The following DELE1 variants were observed in gnomAD, a reference collection of about 807,000 sequenced individuals.
DELE1 encodes the protein death ligand signal enhancer.
Under a neutral mutation model 59.3 loss-of-function variants are expected in DELE1, and 54 were observed. The observed-to-expected ratio is 0.91, with a 90% CI of 0.73 to 1.14. The LOEUF is 1.14. Ranked by LOEUF, DELE1 falls within the 50% of genes most tolerant of loss-of-function variation. The pLI, the probability that DELE1 is intolerant of heterozygous loss-of-function variation, is 0.00. For synonymous variants in DELE1, 264 were observed against 259.1 expected (o/e 1.02, Z -0.18); for missense variants, 636 against 643.9 (o/e 0.99, Z 0.13).
chr5:141,925,436 G>GC lies in DELE1; in HGVS notation c.174dup (p.Gly59ArgfsTer131). 7 of 1,597,882 alleles carry GC rather than the reference G, an allele frequency of 4.4e-6. No individual in the cohort carries two copies. Among genetic ancestry groups the GC allele is most frequent in the Non-Finnish European group, 6.0e-6 (7 of 1,172,542 alleles). On this transcript the variant is annotated frameshift_variant, in exon 3 of 12. Transcript: ENST00000432126. LOFTEE classifies it high-confidence loss of function. ...TCAGGTCCCCATGGCCCAGGCACGA[G>GC]CGGGGGTCCAAGGTCCCATGGATGG...
intron 10 of DELE1, chr5:141,936,748 A>T: frequency 2.1e-6 from 1 of 471,214 alleles, no homozygotes; most frequent in Non-Finnish European, 2.8e-6. Flanking sequence ...ATAGCTTTTT[A>T]AAGGAGAAGA....
chr5:141,928,613 A>T (rs1025118614), intron 4 of DELE1, among the ~76,000 whole-genome samples: 1 of 152,242 alleles, frequency 6.6e-6, no homozygotes, highest in African/African-American at 2.4e-5. Context: ...TCACTCAGTC[A>T]TTCATAAATA....
chr5:141,925,232 T>C (rs1433273715), intron 2 of DELE1, among the ~76,000 whole-genome samples, 178 bp from the exon 3 acceptor site: 1 of 151,944 alleles, frequency 6.6e-6, no homozygotes, highest in Non-Finnish European at 1.5e-5. Flanking sequence ...CCAGCCAATT[T>C]TTATATTTTT....
intron 10 of DELE1, chr5:141,935,091 A>G (rs1166134166): frequency 1.3e-5 from 2 of 155,040 alleles, no homozygotes; most frequent in Non-Finnish European, 2.9e-5. Flanking sequence ...ACACATCATT[A>G]CAAGTGATGG....
rs376636019 is a variant in DELE1, at chr5:141,929,577, T to C, written c.413-5T>C. ...GACCTGACTACTCTTGCTGGCTCTT[T>C]CCAGCACTGCGACAACACATCCTCC... On this transcript the variant is annotated splice_region_variant and splice_polypyrimidine_tract_variant and intron_variant, in intron 4 of 11. Coordinates refer to ENST00000432126, the MANE Select transcript of DELE1 (RefSeq NM_014773.5). 5.6e-6 allele frequency: 9 copies of C among 1,613,002 alleles called. No individual in the cohort carries two copies. In the African/African-American group the frequency reaches 8.0e-5, roughly 14 times the overall value.
Position 141,929,688 on chromosome 5 carries a change from C to T in DELE1, c.519C>T (p.Asn173=), listed in dbSNP as rs138993288. 5.8e-5 allele frequency: 94 copies of T among 1,614,134 alleles called. No individual in the cohort carries two copies. Among genetic ancestry groups the T allele is most frequent in the Middle Eastern group, 3.3e-4 (2 of 6,084 alleles). Residue 173 remains asparagine, a synonymous_variant, in exon 5 of 12, where the codon AAC becomes AAT. Coordinates refer to ENST00000432126, the MANE Select transcript of DELE1 (RefSeq NM_014773.5). The part of the protein sequence containing the change: ...GQEEASAQPR[N]FSHNSLRGAR... The stretch of plus-strand genomic sequence containing the variant: ...AAGAAGCCTCAGCTCAGCCCCGGAA[C>T]TTCTCACACAACTCTTTGAGAGGAG...
intron 7 of DELE1, among the ~76,000 whole-genome samples, chr5:141,932,116 T>C (rs965175657): frequency 6.6e-6 from 1 of 152,128 alleles, no homozygotes; most frequent in African/African-American, 2.4e-5. Context: ...GCCAAAAAAG[T>C]GTTTAAGCCT....
rs36218512 is a variant in DELE1, at chr5:141,940,429, AGCCCACC to A, written c.*1678_*1684del. 0.54 allele frequency: 532,131 copies of A among 984,348 alleles called. 147,362 individuals carry two copies. The highest frequency in any genetic ancestry group is 0.82 in the African/African-American group (46,701 of 56,982). 61.0% of individuals were successfully genotyped at this position (984,348 alleles called of 1,614,324 possible). On this transcript the variant is annotated 3_prime_UTR_variant, in exon 12 of 12. Coordinates refer to ENST00000432126, the MANE Select transcript of DELE1 (RefSeq NM_014773.5). ...AGAGTGGGGTCTGGGAGGGATAGAG[AGCCCACC>A]GCCCACCCCCCACAATCCCATGACT...
intron 1 of DELE1, 98 bp downstream of exon 1, chr5:141,924,070 G>A (rs1304114096): frequency 6.7e-7 from 1 of 1,485,788 alleles, no homozygotes. Context: ...TCGTGGGCCG[G>A]GTTAGAGCCA....
rs966906918 is a variant in DELE1 at position 141,941,614 on chromosome 5, G to A, written c.*2855G>A. ...CATCAGCAGGGCCAGCCTGGGTCAG[G>A]ATGCTGGGTTAAAGCCCGGCGCCCT... On this transcript the variant is annotated 3_prime_UTR_variant, in exon 12 of 12. Coordinates refer to ENST00000432126, the MANE Select transcript of DELE1 (RefSeq NM_014773.5). The A allele has an allele frequency of 1.0e-6, 1 of 985,368 alleles. No homozygotes were observed. The highest frequency in any genetic ancestry group is 1.7e-5 in the African/African-American group (1 of 57,224). 61.0% of individuals were successfully genotyped at this position (985,368 alleles called of 1,614,324 possible). A position where few individuals can be genotyped will look rare whatever the true frequency, so the allele number is the denominator to read the frequency against.
In DELE1 at chr5:141,938,650, T is replaced by C. The variant is rs1177751261; in HGVS notation, c.1439T>C (p.Leu480Pro). ...GCCTCGAGCACAGGCAACCTTGGCC[T>C]CCTCTGCAGAAGTGGGCATCTCGGA... ...PHASSTGNLGLLCRSGHLGAS... is the reference protein window; with the variant it reads ...PHASSTGNLGPLCRSGHLGAS... The change falls in exon 12 of 12, where the codon CTC (leucine) becomes CCC (proline). Residue 480 changes from leucine (L) to proline (P), a missense_variant. Transcript: ENST00000432126. The C allele has an allele frequency of 6.2e-7, 1 of 1,613,956 alleles. No homozygotes were observed. Among genetic ancestry groups the C allele is most frequent in the East Asian group, 2.2e-5 (1 of 44,848 alleles).
intron 2 of DELE1, among the ~76,000 whole-genome samples, chr5:141,924,903 C>T (rs764755020): frequency 8.6e-5 from 13 of 151,166 alleles, no homozygotes; most frequent in East Asian, 1.9e-4. Context: ...TACAGGCACC[C>T]GTCACCACAC....
In DELE1 at chr5:141,933,411, T is replaced by C. The variant is rs1322240621; in HGVS notation, c.897+10T>C. 4.1e-6 allele frequency: 6 copies of C among 1,463,878 alleles called. No homozygotes were observed. In the Admixed American group the frequency reaches 9.4e-5, roughly 23 times the overall value. The allele number at this position is 1,463,878 out of a possible 1,614,324, so 90.7% of individuals were successfully genotyped here. ...CAGGGACATTAGCAAGGTATTCCCCTGCCCCCAAGCCTGCCTTCTGTGCTG... is the reference window on the plus strand; with the variant it reads ...CAGGGACATTAGCAAGGTATTCCCCCGCCCCCAAGCCTGCCTTCTGTGCTG... On this transcript the variant is annotated intron_variant, in intron 8 of 11. Transcript: ENST00000432126.
intron 10 of DELE1, 133 bp from the exon 11 acceptor site, chr5:141,937,065 C>A (rs777075350): frequency 4.6e-6 from 7 of 1,516,452 alleles, no homozygotes; most frequent in Non-Finnish European, 6.2e-6. Flanking sequence ...TGCTATGGGG[C>A]GGGCCAGGAC....
chr5:141,927,354 C>G (rs984144862), intron 3 of DELE1, among the ~76,000 whole-genome samples: 5 of 152,274 alleles, frequency 3.3e-5, no homozygotes, highest in African/African-American at 9.6e-5. Flanking sequence ...TGTGCCCCAC[C>G]ACGCCTGGCT....
chr5:141,940,542 T>C lies in DELE1; in HGVS notation c.*1783T>C. 3.0e-6 allele frequency: 3 copies of C among 985,438 alleles called. No homozygotes were observed. Among genetic ancestry groups the C allele is most frequent in the Non-Finnish European group, 3.6e-6 (3 of 829,948 alleles). The allele number at this position is 985,438 out of a possible 1,614,324, so 61.0% of individuals were successfully genotyped here. ...AGTTGTCCACGTTTCCCTCTCTGCTTCCCACCCCATCTCTCTCAACTTCTT... is the reference window on the plus strand; with the variant it reads ...AGTTGTCCACGTTTCCCTCTCTGCTCCCCACCCCATCTCTCTCAACTTCTT... On this transcript the variant is annotated 3_prime_UTR_variant, in exon 12 of 12. Transcript: ENST00000432126.
At chr5:141,926,144 C>T (rs1398943864) in intron 3 of DELE1, among the ~76,000 whole-genome samples, 2 of 152,238 alleles carry the variant, frequency 1.3e-5, no homozygotes, top group East Asian at 3.9e-4. Flanking sequence ...TCCCAAAGTG[C>T]TGGGATTACA....
In DELE1 at chr5:141,930,072, A is replaced by T. The variant is rs1346593424; in HGVS notation, c.655A>T (p.Lys219Ter). ...AGCCCAGCCTCAGCCCACTGGTGAA[A>T]AGGTATTATCCAGATTTGGCCACCT... ...KPAQPQPTGE[K>*]EQDKSKTLSL... Residue 219 changes from lysine to a stop codon, truncating the protein, a stop_gained and splice_region_variant, in exon 6 of 12, where the codon AAG (lysine) becomes TAG (stop). Coordinates refer to ENST00000432126, the MANE Select transcript of DELE1 (RefSeq NM_014773.5). LOFTEE classifies it high-confidence loss of function. 6.2e-7 allele frequency: 1 copy of T among 1,614,122 alleles called. No individual in the cohort carries two copies. The highest frequency in any genetic ancestry group is 8.5e-7 in the Non-Finnish European group (1 of 1,179,980).
intron 11 of DELE1, among the ~76,000 whole-genome samples, chr5:141,937,979 G>A (rs1488635362): frequency 1.3e-5 from 2 of 151,288 alleles, no homozygotes; most frequent in African/African-American, 2.4e-5. Flanking sequence ...CACCCACCAC[G>A]ATCCCTGGCT....
Sources: gnomAD v4.1 joint callset for allele counts (sites outside exome capture counted in the v4.1 genomes callset) on GRCh38, gnomAD v4.1.1 for gene constraint, MANE v1.5 for transcripts, NCBI Gene and HGNC (gene_info 2026-07-23, HGNC 2026-07-21) for gene names.